The following HACD4 variants were observed in gnomAD, a reference collection of about 807,000 sequenced individuals.
The protein encoded by HACD4 is 3-hydroxyacyl-CoA dehydratase 4, also known as very-long-chain (3R)-3-hydroxyacyl-CoA dehydratase 4.
HACD4 carries 35 observed loss-of-function variants against 33.3 expected under a neutral mutation model. The ratio of observed to expected loss-of-function variants is 1.05; its 90% CI spans 0.80 to 1.39. The LOEUF (loss-of-function observed/expected upper bound fraction) is 1.39. Ranked by LOEUF, HACD4 falls within the 40% of genes most tolerant of loss-of-function variation. The pLI is 0.00. For missense variants in HACD4, 323 were observed against 276.5 expected (o/e 1.17, Z -1.19); for synonymous variants, 118 against 98.0 (o/e 1.20, Z -1.21).
At position 21,031,568 on chromosome 9, in the gene HACD4, G is replaced by A. The variant is rs1432423781; in HGVS notation, c.23C>T (p.Ala8Val). MGPLALP[A>V]WLQPRYRKNA... is the part of the protein sequence containing the mutation. ...AGCGCCCTACCTGGGCTGCAGCCAG[G>A]CGGGCAGCGCCAAGGGCCCCATGGG... The change falls in exon 1 of 7, where the codon GCC becomes GTC. Residue 8 changes from alanine to valine, a missense_variant. Physicochemically the swap from Ala to Val is moderately conservative, Grantham distance 64. Transcript: ENST00000495827. 3.4e-6 allele frequency: 5 copies of A among 1,453,872 alleles called. No individual in the cohort carries two copies. The African/African-American group carries it at 5.9e-5, about 17-fold the overall frequency. 90.1% of individuals were successfully genotyped at this position (1,453,872 alleles called of 1,614,324 possible).
At chr9:21,023,446 A>G (rs190449372) in intron 3 of HACD4, among the ~76,000 whole-genome samples, 1 of 152,262 alleles carries the variant, frequency 6.6e-6, no homozygotes, top group African/African-American at 2.4e-5. Flanking sequence ...ACACACCACC[A>G]CTACTTGATA....
At chr9:21,018,468 TA>T (rs1334006135) in intron 3 of HACD4, among the ~76,000 whole-genome samples, 2 of 152,198 alleles carry the variant, frequency 1.3e-5, no homozygotes, top group Non-Finnish European at 2.9e-5. Context: ...GCCTATTCTT[TA>T]AAAAAGCTTC....
rs1002281040 is a variant in HACD4, at chr9:21,017,815, A to C, written c.271-1805T>G. The C allele has an allele frequency of 6.8e-4, 104 of 152,338 alleles. 2 individuals are homozygous for C. Among genetic ancestry groups the C allele is most frequent in the Admixed American group, 6.8e-3 (104 of 15,296 alleles). 9.4% of individuals were successfully genotyped at this position (152,338 alleles called of 1,614,324 possible). On this transcript the variant is annotated intron_variant, in intron 3 of 6. Coordinates refer to ENST00000495827, the MANE Select transcript of HACD4 (RefSeq NM_001010915.5). ...AAGGAATTTGGGAACAGACCTGGAA[A>C]CATATATATATCCGAAGTCTCCTGG...
chr9:21,010,466 C>T (rs922739321), intron 5 of HACD4, among the ~76,000 whole-genome samples: 1 of 134,018 alleles, frequency 7.5e-6, no homozygotes, highest in African/African-American at 2.9e-5. Context: ...ACCCCCCCCC[C>T]CCCCAGAGCT....
chr9:21,029,328 T>A lies in HACD4; in HGVS notation c.109A>T (p.Asn37Tyr). The stretch of plus-strand genomic sequence containing the variant: ...AATGAAAAGAATCTGACTGTCATAT[T>A]TGTAAATATCCAAGAGTGGCCACAG... ...QFCGHSWIFTNMTVRFFSFGK... is the reference protein window; with the variant it reads ...QFCGHSWIFTYMTVRFFSFGK... The change falls in exon 2 of 7, where the codon AAT (asparagine) becomes TAT (tyrosine). Residue 37 changes from asparagine (N) to tyrosine (Y), a missense_variant. Transcript: ENST00000495827. 6.3e-7 allele frequency: 1 copy of A among 1,597,416 alleles called. No individual in the cohort carries two copies. Among genetic ancestry groups the A allele is most frequent in the Non-Finnish European group, 8.6e-7 (1 of 1,167,698 alleles).
intron 2 of HACD4, among the ~76,000 whole-genome samples, chr9:21,028,135 CA>C (rs71334571): frequency 7.7e-4 from 72 of 93,430 alleles, no homozygotes; most frequent in South Asian, 4.3e-3. Context: ...AACTCCATCT[CA>C]AAAAAAAAAA....
chr9:21,028,169 A>G (rs1587841920), intron 2 of HACD4, among the ~76,000 whole-genome samples: 1 of 151,772 alleles, frequency 6.6e-6, no homozygotes, highest in Non-Finnish European at 1.5e-5. Context: ...GAAAAGAAAA[A>G]AAAAGAAAGA....
intron 3 of HACD4, among the ~76,000 whole-genome samples, chr9:21,022,834 G>T (rs1021988628): frequency 2.0e-5 from 3 of 151,928 alleles, no homozygotes; most frequent in South Asian, 2.1e-4. Context: ...TCTAGAACTA[G>T]AAATACCATT....
rs1159307544 is a variant in HACD4, at chr9:21,008,054, C to T, written c.583G>A (p.Val195Met). ...AGCATCATGAGATATATTTTCAGCA[C>T]ATATGGGAAATAGATGGATAAGTCA... ...PFDLSIYFPY[V>M]LKIYLMMLFI... Residue 195 changes from valine to methionine, a missense_variant, in exon 6 of 7, where the codon GTG (valine) becomes ATG (methionine). By Grantham distance (21) the Val-to-Met change is conservative (BLOSUM62 1). Coordinates refer to ENST00000495827, the MANE Select transcript of HACD4 (RefSeq NM_001010915.5). 1.9e-6 allele frequency: 3 copies of T among 1,607,842 alleles called. No individual in the cohort carries two copies. The South Asian group carries it at 3.3e-5, about 18-fold the overall frequency.
chr9:21,021,091 C>T (rs530748060), intron 3 of HACD4, among the ~76,000 whole-genome samples: 18 of 152,222 alleles, frequency 1.2e-4, no homozygotes, highest in South Asian at 4.1e-4. Flanking sequence ...GATCAATAAA[C>T]GTAATCCATC....
rs1842313090 is a variant in HACD4, at chr9:21,008,042, A to G, written c.595T>C (p.Tyr199His). 1 of 1,604,832 alleles carries G rather than the reference A, an allele frequency of 6.2e-7. No homozygotes were observed. The highest frequency in any genetic ancestry group is 1.1e-5 in the South Asian group (1 of 89,286). Residue 199 changes from tyrosine (Y) to histidine (H), a missense_variant, in exon 6 of 7, where the codon TAT becomes CAT. Tyr to His is a moderately conservative substitution (Grantham distance 83). Transcript: ENST00000495827. ...TTACCTATAAAGAGCATCATGAGAT[A>G]TATTTTCAGCACATATGGGAAATAG... Reference protein sequence around the residue: ...SIYFPYVLKIYLMMLFIGMYF... With the variant: ...SIYFPYVLKIHLMMLFIGMYF...
At chr9:21,008,545 T>C (rs1460139952) in intron 5 of HACD4, among the ~76,000 whole-genome samples, 3 of 152,102 alleles carry the variant, frequency 2.0e-5, no homozygotes, top group Non-Finnish European at 4.4e-5. Context: ...CATATTAACA[T>C]TGTGAGAAAT....
intron 1 of HACD4, 79 bp downstream of exon 1, chr9:21,031,474 G>A (rs1027235517): frequency 3.0e-6 from 4 of 1,316,268 alleles, no homozygotes; most frequent in Middle Eastern, 2.7e-4. Flanking sequence ...CCGCCCGCCC[G>A]CCCGCCGCAG....
intron 3 of HACD4, among the ~76,000 whole-genome samples, chr9:21,021,032 G>A (rs772692789): frequency 1.5e-3 from 232 of 152,186 alleles, no homozygotes; most frequent in Non-Finnish European, 2.0e-3. Context: ...TATCCACCAC[G>A]ATCAAGTTGG....
chr9:21,018,551 G>T (rs1112166), intron 3 of HACD4, among the ~76,000 whole-genome samples: 45,729 of 152,196 alleles, frequency 0.3, 7,104 homozygotes, highest in East Asian at 0.51. Flanking sequence ...TGAAGAAAAG[G>T]CTTTTAATAT....
intron 3 of HACD4, among the ~76,000 whole-genome samples, chr9:21,024,147 A>G (rs1489186853): frequency 6.6e-6 from 1 of 152,270 alleles, no homozygotes; most frequent in Non-Finnish European, 1.5e-5. Context: ...TTGGGCACAA[A>G]GGCATGTTTC....
intron 1 of HACD4, among the ~76,000 whole-genome samples, chr9:21,031,162 T>C (rs1379280831): frequency 3.9e-5 from 6 of 152,112 alleles, no homozygotes; most frequent in African/African-American, 1.4e-4. Context: ...CCGCCGGAAC[T>C]AGGCCCTGAA....
At position 21,004,452 on chromosome 9, in the gene HACD4, G is replaced by T. The variant is rs1167417439; in HGVS notation, c.*2585C>A. The T allele has an allele frequency of 1.3e-5, 2 of 152,334 alleles. No homozygotes were observed. Among genetic ancestry groups the T allele is most frequent in the Middle Eastern group, 6.8e-3 (2 of 296 alleles). The allele number at this position is 152,334 out of a possible 1,614,324, so 9.4% of individuals were successfully genotyped here. A position where few individuals can be genotyped will look rare whatever the true frequency, so the allele number is the denominator to read the frequency against. ...ACATGTTGAAAATCTAATCTCCAGT[G>T]TGATGGCATTTGAAGCTGGAACCTT... is the stretch of plus-strand genomic sequence containing the variant. On this transcript the variant is annotated 3_prime_UTR_variant, in exon 7 of 7. Transcript: ENST00000495827. This position sits in a 1 kb window ranked among gnomAD's most constrained non-coding sequence, Gnocchi z 4.6.
Position 21,008,161 on chromosome 9 carries a change from A to AG in HACD4, c.491-16dup, listed in dbSNP as rs761128596. ...GATGGCAAATGCTGTTAAAAAAGAAAGGCATCATAAAGGTATTCCTCCTTA... is the reference window on the plus strand; with the variant it reads ...GATGGCAAATGCTGTTAAAAAAGAAAGGGCATCATAAAGGTATTCCTCCTTA... On this transcript the variant is annotated splice_polypyrimidine_tract_variant and intron_variant, in intron 5 of 6. Transcript: ENST00000495827. The AG allele has an allele frequency of 3.7e-6, 6 of 1,601,044 alleles. No individual in the cohort carries two copies. Among genetic ancestry groups the AG allele is most frequent in the Non-Finnish European group, 5.1e-6 (6 of 1,174,436 alleles).
Sources: gnomAD v4.1 joint callset for allele counts (sites outside exome capture counted in the v4.1 genomes callset) on GRCh38, gnomAD v4.1.1 for gene constraint, Gnocchi (gnomAD v3.1) non-coding constraint, MANE v1.5 for transcripts, NCBI Gene and HGNC (gene_info 2026-07-23, HGNC 2026-07-21) for gene names.